The following CADM2 variants were observed in gnomAD, a reference collection of about 807,000 sequenced individuals.
CADM2 encodes the protein immunoglobulin superfamily member 4D.
CADM2 carries 12 observed loss-of-function variants against 49.8 expected under a neutral mutation model. That is an observed-to-expected ratio of 0.24 (90% CI 0.15 to 0.39). The LOEUF (loss-of-function observed/expected upper bound fraction) is 0.39, where lower values mean the gene tolerates loss of function less well. Ranked by LOEUF, CADM2 falls within the 10% of genes least tolerant of loss-of-function variation. The probability of loss-of-function intolerance (pLI) is 1.00; values close to 1 mark genes in which losing one functional copy is unlikely to be tolerated. For missense variants in CADM2, 378 were observed against 492.3 expected (o/e 0.77, Z 2.20); for synonymous variants, 214 against 175.4 (o/e 1.22, Z -1.74).
chr3:85,764,059 G>A (rs2069528509), intron 2 of CADM2, among the ~76,000 whole-genome samples: 1 of 152,002 alleles, frequency 6.6e-6, no homozygotes, highest in Admixed American at 6.6e-5. Context: ...AGAACATAAT[G>A]TTATCAACTC....
At chr3:85,171,781 A>G (rs1185436503) in intron 1 of CADM2, among the ~76,000 whole-genome samples, 1 of 152,242 alleles carries the variant, frequency 6.6e-6, no homozygotes, top group Non-Finnish European at 1.5e-5. Context: ...TAACTTACCT[A>G]ATCAATGAAA....
chr3:85,249,985 T>G (rs763133479), intron 1 of CADM2, among the ~76,000 whole-genome samples: 15 of 151,848 alleles, frequency 9.9e-5, no homozygotes, highest in Non-Finnish European at 4.4e-5. Context: ...TAAAAGAAGG[T>G]AAATGAAATA....
chr3:85,919,048 A>C (rs1327696604), intron 6 of CADM2, among the ~76,000 whole-genome samples: 3 of 152,052 alleles, frequency 2.0e-5, no homozygotes, highest in Non-Finnish European at 4.4e-5. Flanking sequence ...AGAGACAGAA[A>C]ACTAAAATAT....
intron 5 of CADM2, among the ~76,000 whole-genome samples, chr3:85,895,332 C>T (rs986367377): frequency 1.1e-4 from 16 of 152,172 alleles, no homozygotes; most frequent in African/African-American, 3.9e-4. Context: ...GGCTGTCCTG[C>T]CAGATTGTGA....
At chr3:85,031,218 A>G (rs1002823186) in intron 1 of CADM2, among the ~76,000 whole-genome samples, 1 of 152,180 alleles carries the variant, frequency 6.6e-6, no homozygotes, top group African/African-American at 2.4e-5. Context: ...TCTTTCTCCC[A>G]TCCTACGAGC....
At chr3:85,797,288 G>A (rs1041373321) in intron 2 of CADM2, among the ~76,000 whole-genome samples, 11 of 151,806 alleles carry the variant, frequency 7.2e-5, no homozygotes, top group Admixed American at 1.3e-4. Flanking sequence ...TCAAGTTCTG[G>A]CATACACGTG....
At chr3:85,515,610 A>AATATATAT (rs200627018) in intron 1 of CADM2, among the ~76,000 whole-genome samples, 100 of 113,302 alleles carry the variant, frequency 8.8e-4, no homozygotes, top group African/African-American at 2.8e-3. Context: ...CACGCCCACT[A>AATATATAT]ATATATATAT....
At chr3:85,861,481 C>A (rs1357422937) in intron 3 of CADM2, among the ~76,000 whole-genome samples, 1 of 151,988 alleles carries the variant, frequency 6.6e-6, no homozygotes, top group African/African-American at 2.4e-5. Context: ...GAAGGAAAAT[C>A]AGGAAATTCT....
At chr3:85,347,051 C>T (rs769180436) in intron 1 of CADM2, among the ~76,000 whole-genome samples, 25 of 151,480 alleles carry the variant, frequency 1.7e-4, no homozygotes, top group Non-Finnish European at 2.9e-4. Flanking sequence ...GGCGAAATCC[C>T]GTCTCTACTA....
At chr3:86,031,582 A>G (rs1734564611) in intron 8 of CADM2, among the ~76,000 whole-genome samples, 1 of 151,848 alleles carries the variant, frequency 6.6e-6, no homozygotes, top group Non-Finnish European at 1.5e-5. Context: ...TAATAAAACT[A>G]CATAGGTTTA....
chr3:85,872,699 A>G (rs1365077055), intron 3 of CADM2, among the ~76,000 whole-genome samples: 2 of 149,168 alleles, frequency 1.3e-5, no homozygotes, highest in African/African-American at 2.4e-5. Flanking sequence ...TATACTTTAT[A>G]TAAATTTATG....
chr3:85,404,012 T>C (rs2035250410), intron 1 of CADM2, among the ~76,000 whole-genome samples: 1 of 152,136 alleles, frequency 6.6e-6, no homozygotes, highest in African/African-American at 2.4e-5. Context: ...TTTTACATGG[T>C]TTATATATAT....
intron 1 of CADM2, among the ~76,000 whole-genome samples, chr3:85,083,481 G>A (rs569722711): frequency 1.8e-4 from 28 of 152,002 alleles, no homozygotes; most frequent in Admixed American, 9.2e-4. Context: ...TGCTATCTTC[G>A]TCTTTCACAT....
At chr3:85,981,971 C>T (rs575218614) in intron 8 of CADM2, among the ~76,000 whole-genome samples, 80 of 151,780 alleles carry the variant, frequency 5.3e-4, no homozygotes, top group African/African-American at 1.9e-3. Flanking sequence ...ATATTCCCAC[C>T]AGCAGTATGC....
chr3:86,008,153 C>T (rs1330338698), intron 8 of CADM2, among the ~76,000 whole-genome samples: 1 of 152,004 alleles, frequency 6.6e-6, no homozygotes, highest in African/African-American at 2.4e-5. Context: ...GAGGGTTATT[C>T]TAAAGGATAG....
chr3:85,551,880 G>A (rs554855641), intron 1 of CADM2, among the ~76,000 whole-genome samples: 2 of 152,068 alleles, frequency 1.3e-5, no homozygotes, highest in Admixed American at 1.3e-4. Context: ...ATTCAATTTT[G>A]TCCTGTTTCA....
At chr3:86,052,602 A>G (rs1440297335) in intron 8 of CADM2, among the ~76,000 whole-genome samples, 2 of 152,130 alleles carry the variant, frequency 1.3e-5, no homozygotes, top group African/African-American at 4.8e-5. Flanking sequence ...AAAATTTTAC[A>G]TATAATTATA....
intron 1 of CADM2, among the ~76,000 whole-genome samples, chr3:85,623,731 G>A (rs1230859753): frequency 1.3e-5 from 2 of 152,208 alleles, no homozygotes; most frequent in Non-Finnish European, 2.9e-5. Flanking sequence ...AGCATTGGTC[G>A]CTGAGTAAAT....
intron 8 of CADM2, among the ~76,000 whole-genome samples, chr3:86,011,552 A>G (rs753073580): frequency 2.2e-4 from 33 of 152,144 alleles, no homozygotes; most frequent in Non-Finnish European, 2.1e-4. Flanking sequence ...GGGCGATAAG[A>G]AAAAGGAGAA....
Sources: gnomAD v4.1 joint callset for allele counts (sites outside exome capture counted in the v4.1 genomes callset) on GRCh38, gnomAD v4.1.1 for gene constraint, MANE v1.5 for transcripts, NCBI Gene and HGNC (gene_info 2026-07-23, HGNC 2026-07-21) for gene names.